Variants in TTC7A observed in about 807,000 individuals in gnomAD.
TTC7A encodes the protein tetratricopeptide repeat domain 7A, also known as tetratricopeptide repeat protein 7A.
In TTC7A, 110 loss-of-function variants were observed where a neutral mutation model predicts 103.7. The ratio of observed to expected loss-of-function variants is 1.06; its 90% CI spans 0.91 to 1.24. The LOEUF (loss-of-function observed/expected upper bound fraction) is 1.24, where lower values mean the gene tolerates loss of function less well. TTC7A is among the 50% of genes most tolerant of loss of function. The pLI, the probability that TTC7A is intolerant of heterozygous loss-of-function variation, is 0.00. For missense variants in TTC7A, 1,340 were observed against 1,116.3 expected, an observed-to-expected ratio of 1.20 and a Z score of -2.86; for synonymous variants, 521 against 467.9, an observed-to-expected ratio of 1.11 and a Z score of -1.47.
At chr2:47,049,902 T>G in intron 16 of TTC7A, 47 bp from the exon 17 acceptor site, 1 of 1,461,198 alleles carries the variant, frequency 6.8e-7, no homozygotes, top group East Asian at 2.3e-5. Flanking sequence ...GGCCCTGTGA[T>G]GCTAGCCCTC....
At position 47,060,991 on chromosome 2, in the gene TTC7A, GC is replaced by G; in HGVS notation, c.2355+21del. On this transcript the variant is annotated intron_variant, in intron 19 of 19. Transcript: ENST00000319190. Reference sequence around the variant, plus strand: ...AGCCTGGTGAGTCAGAGCCCCCCGCGCTCCCACCACCTCCTCCCACAGCCTC... The same window carrying G: ...AGCCTGGTGAGTCAGAGCCCCCCGCGTCCCACCACCTCCTCCCACAGCCTC... 1 of 1,570,776 alleles carries G rather than the reference GC, an allele frequency of 6.4e-7. No individual in the cohort carries two copies. The highest frequency in any genetic ancestry group is 8.7e-7 in the Non-Finnish European group (1 of 1,155,512).
intron 2 of TTC7A, among the ~76,000 whole-genome samples, chr2:46,927,476 C>T (rs1325127239): frequency 6.6e-6 from 1 of 151,438 alleles, no homozygotes; most frequent in Non-Finnish European, 1.5e-5. Flanking sequence ...CCCACCTCAA[C>T]CTCCAGAGTA....
rs553891043 is a variant in TTC7A, at chr2:46,953,842, T to G, written c.349-2997T>G. ...TTCTTTTTTTTTTTTTTCAATTTTT[T>G]GTAGAGACACAGTTCTTACTGTGTT... On this transcript the variant is annotated intron_variant, in intron 2 of 19. Transcript: ENST00000319190. Among the ~76,000 whole-genome samples the G allele has an allele frequency of 1.0e-3, 155 of 151,942 alleles. 1 individual carries two copies. The highest frequency in any genetic ancestry group is 1.7e-3 in the Admixed American group (26 of 15,254).
intron 2 of TTC7A, among the ~76,000 whole-genome samples, chr2:46,921,939 G>C (rs1440066317): frequency 6.6e-6 from 1 of 152,230 alleles, no homozygotes; most frequent in Non-Finnish European, 1.5e-5. Context: ...ACTTCCTGCT[G>C]TGCAGCTGAC....
intron 10 of TTC7A, among the ~76,000 whole-genome samples, chr2:47,008,469 G>C (rs1677664885): frequency 6.6e-6 from 1 of 152,212 alleles, no homozygotes; most frequent in Non-Finnish European, 1.5e-5. Flanking sequence ...AGCATCCAGG[G>C]AGCTGGTTTC....
In TTC7A at chr2:46,994,469, T is replaced by A. The variant is rs768111271; in HGVS notation, c.956T>A (p.Phe319Tyr). 28 of 1,613,956 alleles carry A rather than the reference T, an allele frequency of 1.7e-5. No individual in the cohort carries two copies. The highest frequency in any genetic ancestry group is 2.7e-5 in the African/African-American group (2 of 74,900). ...TTCATGGGCAAGGAGGAGAGTTCTT[T>A]CGCCACTCAGGCCCTGCGGAAACCT... is the stretch of plus-strand genomic sequence containing the variant. The part of the protein sequence containing the change: ...PEFMGKEESS[F>Y]ATQALRKPHL... The change falls in exon 7 of 20, where the codon TTC becomes TAC. Residue 319 changes from phenylalanine to tyrosine, a missense_variant. Physicochemically the swap from Phe to Tyr is conservative, Grantham distance 22. Coordinates refer to ENST00000319190, the MANE Select transcript of TTC7A (RefSeq NM_020458.4).
chr2:47,023,278 T>G, intron 12 of TTC7A, 130 bp from the exon 13 acceptor site: 1 of 925,150 alleles, frequency 1.1e-6, no homozygotes, highest in Non-Finnish European at 1.7e-6. Context: ...CTGCTGGAGT[T>G]TGAAGTTTGC....
intron 1 of TTC7A, among the ~76,000 whole-genome samples, chr2:46,947,939 G>A (rs1171545244): frequency 2.0e-5 from 3 of 152,202 alleles, no homozygotes; most frequent in Non-Finnish European, 4.4e-5. Flanking sequence ...CGCAGGCCAT[G>A]GCCAGCCGCA....
chr2:47,020,145 G>C lies in TTC7A; in HGVS notation c.1393-1717G>C, dbSNP rs1038364037. Among the ~76,000 whole-genome samples the C allele has an allele frequency of 9.1e-4, 139 of 152,312 alleles. 1 individual carries two copies. Among genetic ancestry groups the C allele is most frequent in the Non-Finnish European group, 1.7e-3 (115 of 68,024 alleles). On this transcript the variant is annotated intron_variant, in intron 11 of 19. Coordinates refer to ENST00000319190, the MANE Select transcript of TTC7A (RefSeq NM_020458.4). Reference sequence around the variant, plus strand: ...CTGGAGCTACAAAAACCTCAGTGAAGGGCTGTGGGGAGCGGGGAGGAGCGG... The same window carrying C: ...CTGGAGCTACAAAAACCTCAGTGAACGGCTGTGGGGAGCGGGGAGGAGCGG...
Position 47,048,202 on chromosome 2 carries a change from CAT to C in TTC7A, c.1920-1746_1920-1745del, listed in dbSNP as rs551444141. ...TCTAAAATGCTTCATTCAACCCTCT[CAT>C]GTGGGTTTTTGCTAACTGCTCAACT... On this transcript the variant is annotated intron_variant, in intron 16 of 19. Coordinates refer to ENST00000319190, the MANE Select transcript of TTC7A (RefSeq NM_020458.4). Among the ~76,000 whole-genome samples, 428 of 152,314 alleles carry C rather than the reference CAT, an allele frequency of 2.8e-3. 4 individuals are homozygous for C. The highest frequency in any genetic ancestry group is 9.3e-3 in the African/African-American group (385 of 41,562).
intron 1 of TTC7A, among the ~76,000 whole-genome samples, chr2:46,946,248 T>C (rs1015084937): frequency 2.0e-5 from 3 of 152,078 alleles, no homozygotes; most frequent in Non-Finnish European, 4.4e-5. Context: ...TCAGATTCAC[T>C]ATCGGTCTGA....
At chr2:47,064,383 G>T (rs562932352) in intron 19 of TTC7A, among the ~76,000 whole-genome samples, 14 of 152,208 alleles carry the variant, frequency 9.2e-5, no homozygotes, top group Non-Finnish European at 2.1e-4. Flanking sequence ...ACTCAGCTGG[G>T]GTATTCAGAA....
intron 15 of TTC7A, among the ~76,000 whole-genome samples, chr2:47,038,996 G>A (rs1362311708): frequency 6.6e-6 from 1 of 152,184 alleles, no homozygotes; most frequent in African/African-American, 2.4e-5. Flanking sequence ...CAACAGCAAA[G>A]ATGACTGAGA....
At chr2:46,986,418 C>T (rs774683724) in intron 5 of TTC7A, among the ~76,000 whole-genome samples, 14 of 152,216 alleles carry the variant, frequency 9.2e-5, no homozygotes, top group Admixed American at 2.0e-4. Flanking sequence ...CTGCGGGGTT[C>T]GAGCTATGGC....
intron 4 of TTC7A, among the ~76,000 whole-genome samples, chr2:46,975,445 G>C (rs1394494427): frequency 2.6e-5 from 4 of 151,910 alleles, no homozygotes; most frequent in Non-Finnish European, 5.9e-5. Flanking sequence ...CCCTGCTCTC[G>C]GTGTCCCAGA....
At chr2:46,974,168 C>G (rs563100217) in intron 3 of TTC7A, among the ~76,000 whole-genome samples, 1 of 152,356 alleles carries the variant, frequency 6.6e-6, no homozygotes, top group East Asian at 1.9e-4. Flanking sequence ...AAGAAAGTGA[C>G]TTTATTCCAA....
chr2:46,967,620 G>A (rs1331195231), intron 3 of TTC7A, among the ~76,000 whole-genome samples: 1 of 152,102 alleles, frequency 6.6e-6, no homozygotes, highest in Non-Finnish European at 1.5e-5. Context: ...ATATTGTATT[G>A]TATGTATGTA....
At chr2:46,986,294 C>G (rs1037272288) in intron 5 of TTC7A, among the ~76,000 whole-genome samples, 1 of 152,194 alleles carries the variant, frequency 6.6e-6, no homozygotes, top group Non-Finnish European at 1.5e-5. Context: ...GTTCAGGGAG[C>G]TTACTACCCC....
At chr2:47,047,224 C>T (rs1682414813) in intron 16 of TTC7A, 1 of 1,184,476 alleles carries the variant, frequency 8.4e-7, no homozygotes, top group Non-Finnish European at 1.2e-6. Flanking sequence ...CTCCCTGAGG[C>T]CTCAGGGGAC....
Sources: allele counts gnomAD v4.1 joint callset (sites outside exome capture counted in the v4.1 genomes callset), GRCh38; gene constraint gnomAD v4.1.1; transcripts MANE v1.5; gene names NCBI Gene and HGNC (gene_info 2026-07-23, HGNC 2026-07-21).